CCND3: variants seen among roughly 807,000 people sequenced by gnomAD.
The protein encoded by CCND3 is cyclin D3, also known as G1/S-specific cyclin-D3.
CCND3 carries 9 observed loss-of-function variants against 28.7 expected under a neutral mutation model. The observed-to-expected ratio is 0.31, with a 90% confidence interval of 0.19 to 0.55. The LOEUF (loss-of-function observed/expected upper bound fraction) is 0.55, where lower values mean the gene tolerates loss of function less well. Ranked by LOEUF, CCND3 falls within the 20% of genes least tolerant of loss-of-function variation. CCND3 has a pLI of 0.93. For missense variants in CCND3, 315 were observed against 385.8 expected, an observed-to-expected ratio of 0.82 and a Z score of 1.54; for synonymous variants, 164 against 163.9, an observed-to-expected ratio of 1.00 and a Z score of 0.00.
chr6:41,948,463 G>C (rs1247541235), intron 1 of CCND3, among the ~76,000 whole-genome samples: 1 of 151,866 alleles, frequency 6.6e-6, no homozygotes, highest in Non-Finnish European at 1.5e-5. Flanking sequence ...AGCTTCCCAA[G>C]TAGCTGGGAC....
intron 1 of CCND3, among the ~76,000 whole-genome samples, chr6:41,948,860 GA>G (rs897664953): frequency 8.8e-5 from 13 of 147,718 alleles, no homozygotes; most frequent in African/African-American, 1.5e-4. Context: ...AAAAAAAAAA[GA>G]AAAAAAGAAA....
intron 1 of CCND3, among the ~76,000 whole-genome samples, chr6:42,023,297 T>TG (rs1467568066): frequency 2.0e-5 from 3 of 152,218 alleles, no homozygotes; most frequent in Admixed American, 2.0e-4. Flanking sequence ...GCTGACGTGC[T>TG]GGCGAATGTT....
At chr6:41,968,224 A>G (rs918466827) in intron 1 of CCND3, among the ~76,000 whole-genome samples, 1 of 152,190 alleles carries the variant, frequency 6.6e-6, no homozygotes, top group East Asian at 1.9e-4. Flanking sequence ...CTCACAGCTC[A>G]TATATGAAAG....
At chr6:41,964,499 A>T (rs4714523) in intron 1 of CCND3, among the ~76,000 whole-genome samples, 1,250 of 103,332 alleles carry the variant, frequency 0.012, 8 homozygotes, top group Middle Eastern at 0.018. Context: ...TGTGTGTGTG[A>T]GTGTGTGTGT....
intron 1 of CCND3, among the ~76,000 whole-genome samples, chr6:41,947,168 C>A (rs544093945): frequency 6.6e-6 from 1 of 151,812 alleles, no homozygotes; most frequent in South Asian, 2.1e-4. Flanking sequence ...TTGCAGTGAG[C>A]TGAGATCGCG....
Position 41,940,419 on chromosome 6 carries a change from T to G in CCND3, c.365A>C (p.Glu122Ala). 6.2e-7 allele frequency: 1 copy of G among 1,613,724 alleles called. No homozygotes were observed. Among genetic ancestry groups the G allele is most frequent in the Non-Finnish European group, 8.5e-7 (1 of 1,179,914 alleles). ...GTGGTCGGTGTAGATGCACAGTTTT[T>G]CGATGGTCAGGGGCGTGGTCTCGCG... ...KLRETTPLTI[E>A]KLCIYTDHAV... Residue 122 changes from glutamate (E) to alanine (A), a missense_variant, in exon 2 of 5, where the codon GAA (glutamate) becomes GCA (alanine). Physicochemically the swap from Glu to Ala is moderately radical, Grantham distance 107. Transcript: ENST00000372991.
intron 1 of CCND3, among the ~76,000 whole-genome samples, chr6:42,036,664 A>G (rs925510681): frequency 1.3e-5 from 2 of 151,676 alleles, no homozygotes; most frequent in Non-Finnish European, 2.9e-5. Context: ...TTGGCCTCCC[A>G]AAGTGCTGAG....
Position 41,941,591 on chromosome 6 carries a change from C to G in CCND3, c.59G>C (p.Arg20Pro), listed in dbSNP as rs1202872573. Residue 20 changes from arginine to proline, a missense_variant, in exon 1 of 5, where the codon CGG becomes CCG. Coordinates refer to ENST00000372991, the MANE Select transcript of CCND3 (RefSeq NM_001760.5). This position sits in a 1 kb window ranked among gnomAD's most constrained non-coding sequence, Gnocchi z 6.1. ...CAGGACACGCTGGTCCCCCAGCAGCCGCGGGTCCGGCCCGGCCCGGGGCGC... is the reference window on the plus strand; with the variant it reads ...CAGGACACGCTGGTCCCCCAGCAGCGGCGGGTCCGGCCCGGCCCGGGGCGC... ...RHAPRAGPDPRLLGDQRVLQS... is the reference protein window; with the variant it reads ...RHAPRAGPDPPLLGDQRVLQS... The G allele has an allele frequency of 1.9e-6, 3 of 1,546,238 alleles. No homozygotes were observed. In the Admixed American group the frequency reaches 6.0e-5, roughly 31 times the overall value.
intron 1 of CCND3, among the ~76,000 whole-genome samples, chr6:42,014,087 C>T (rs974772083): frequency 1.3e-4 from 20 of 149,188 alleles, no homozygotes; most frequent in African/African-American, 5.0e-4. Flanking sequence ...CAAACAAGGC[C>T]GGGCGCAGTG....
intron 1 of CCND3, among the ~76,000 whole-genome samples, chr6:42,045,605 C>T (rs1461843230): frequency 1.3e-5 from 2 of 152,208 alleles, no homozygotes; most frequent in Admixed American, 1.3e-4. Context: ...CCTTTCTCAA[C>T]CTGCACGAAT....
intron 1 of CCND3, among the ~76,000 whole-genome samples, chr6:42,020,406 C>T (rs995070060): frequency 9.2e-5 from 14 of 152,266 alleles, no homozygotes; most frequent in Non-Finnish European, 1.6e-4. Flanking sequence ...GGCTCTCTCT[C>T]TGTCCTCCCT....
chr6:41,964,444 ATGTGTGAGTCTG>A (rs1273857156), intron 1 of CCND3, among the ~76,000 whole-genome samples: 117 of 119,232 alleles, frequency 9.8e-4, no homozygotes, highest in African/African-American at 3.3e-3. Context: ...GTATGTGTGA[ATGTGTGAGTCTG>A]TGTGTGAGTG....
At chr6:41,970,155 A>G (rs974985593) in intron 1 of CCND3, among the ~76,000 whole-genome samples, 3 of 152,076 alleles carry the variant, frequency 2.0e-5, no homozygotes, top group African/African-American at 7.2e-5. Context: ...CTTGGCCAAC[A>G]TGGTGAAACC....
At position 41,939,082 on chromosome 6, in the gene CCND3, T is replaced by C. The variant is rs1371527164; in HGVS notation, c.414+1288A>G. 6.6e-6 allele frequency among the ~76,000 whole-genome samples: 1 copy of C among 152,198 alleles called. No homozygotes were observed. The highest frequency in any genetic ancestry group is 2.1e-4 in the South Asian group (1 of 4,828). ...CCAAAAACATCTTGCTCTCTGGCCC[T>C]GGAAACTAGCTCCACCTTCAGACTT... On this transcript the variant is annotated intron_variant, in intron 2 of 4. Transcript: ENST00000372991. The surrounding 1 kb of genome is among the most constrained non-coding windows in gnomAD (Gnocchi z 4.2).
intron 1 of CCND3, among the ~76,000 whole-genome samples, chr6:41,955,966 A>C (rs1460954405): frequency 6.6e-6 from 1 of 152,130 alleles, no homozygotes; most frequent in African/African-American, 2.4e-5. Context: ...CAACTTGAGA[A>C]AGCTGATTGA....
At position 41,971,739 on chromosome 6, in the gene CCND3, C is replaced by T. The variant is rs536039079; in HGVS notation, c.-45-31154G>A. Among the ~76,000 whole-genome samples the T allele has an allele frequency of 1.8e-3, 268 of 150,748 alleles. 8 individuals are homozygous for T. The South Asian group carries it at 0.055, about 31-fold the overall frequency. On this transcript the variant is annotated intron_variant, in intron 1 of 4. Coordinates refer to the CCND3 transcript ENST00000372988. ...ATTTCTAATAGAGACGGGGTTTCGC[C>T]GTGTTGGCCAAGATGGTCTCGATCT...
intron 1 of CCND3, among the ~76,000 whole-genome samples, chr6:42,019,505 A>AGG (rs1466967149): frequency 1.3e-5 from 2 of 151,206 alleles, no homozygotes; most frequent in Admixed American, 1.3e-4. Context: ...AAAAAAAAAA[A>AGG]AAAGGAAAGG....
intron 1 of CCND3, among the ~76,000 whole-genome samples, chr6:42,036,081 C>T (rs1485562962): frequency 6.7e-6 from 1 of 149,436 alleles, no homozygotes; most frequent in African/African-American, 2.5e-5. Flanking sequence ...CAACCTCTGC[C>T]TCTCGGGTTC....
At chr6:42,039,997 C>T (rs1764322564) in intron 1 of CCND3, among the ~76,000 whole-genome samples, 2 of 152,250 alleles carry the variant, frequency 1.3e-5, no homozygotes, top group African/African-American at 2.4e-5. Flanking sequence ...GGCCTACCAG[C>T]CTGCTCTACT....
Sources: gnomAD v4.1 joint callset for allele counts (sites outside exome capture counted in the v4.1 genomes callset) on GRCh38, gnomAD v4.1.1 for gene constraint, Gnocchi (gnomAD v3.1) non-coding constraint, MANE v1.5 for transcripts, NCBI Gene and HGNC (gene_info 2026-07-23, HGNC 2026-07-21) for gene names.